CPXM2: variants seen among roughly 807,000 people sequenced by gnomAD.
The protein encoded by CPXM2 is carboxypeptidase X, M14 family member 2, also known as inactive carboxypeptidase-like protein X2.
In CPXM2, 66 loss-of-function variants were observed where a neutral mutation model predicts 86.1. The observed-to-expected ratio is 0.77, with a 90% CI of 0.63 to 0.94. CPXM2 has a LOEUF of 0.94. Ranked by LOEUF, CPXM2 falls within the 40% of genes least tolerant of loss-of-function variation. The pLI, the probability that CPXM2 is intolerant of heterozygous loss-of-function variation, is 0.00. For synonymous variants in CPXM2, 388 were observed against 400.2 expected (o/e 0.97, Z 0.36); for missense variants, 948 against 1,026.3 (o/e 0.92, Z 1.04).
intron 2 of CPXM2, among the ~76,000 whole-genome samples, chr10:123,916,705 G>C (rs532970664): frequency 1.3e-5 from 2 of 152,188 alleles, no homozygotes; most frequent in South Asian, 4.2e-4. Flanking sequence ...GTTTGATCTG[G>C]CTAAATGATC....
At chr10:123,942,522 T>G (rs1309359710), upstream of CPXM2, among the ~76,000 whole-genome samples, 2 of 152,078 alleles carry the variant, frequency 1.3e-5, no homozygotes, top group Non-Finnish European at 2.9e-5. Context: ...TAAAAGACAC[T>G]CCCACCAGCA....
At chr10:123,846,285 T>C (rs1296857989) in intron 3 of CPXM2, among the ~76,000 whole-genome samples, 1 of 152,214 alleles carries the variant, frequency 6.6e-6, no homozygotes, top group Non-Finnish European at 1.5e-5. Context: ...CAACTAGACA[T>C]TTTCATCTGG....
chr10:123,813,874 C>T (rs1351623087), intron 4 of CPXM2, among the ~76,000 whole-genome samples: 2 of 152,120 alleles, frequency 1.3e-5, no homozygotes, highest in East Asian at 3.9e-4. Context: ...TCCACTTAGA[C>T]CCTTGTACCT....
intron 3 of CPXM2, among the ~76,000 whole-genome samples, chr10:123,861,649 G>A (rs1848851477): frequency 6.6e-6 from 1 of 152,126 alleles, no homozygotes. Flanking sequence ...GCAGTCACAT[G>A]AAGACTCCAT....
chr10:123,849,486 G>A (rs1848559384), intron 3 of CPXM2, among the ~76,000 whole-genome samples: 1 of 145,250 alleles, frequency 6.9e-6, no homozygotes, highest in African/African-American at 2.6e-5. Flanking sequence ...TGTTGCCCAG[G>A]CTGGAGTGCA....
chr10:123,878,358 T>C (rs1945026298), intron 2 of CPXM2, among the ~76,000 whole-genome samples: 1 of 142,712 alleles, frequency 7.0e-6, no homozygotes, highest in African/African-American at 2.6e-5. Context: ...AAATCACGTA[T>C]AGGGCATTCA....
chr10:123,786,162 T>C (rs1847049353), intron 6 of CPXM2, among the ~76,000 whole-genome samples: 1 of 152,126 alleles, frequency 6.6e-6, no homozygotes, highest in South Asian at 2.1e-4. Flanking sequence ...GCAAAAAGCT[T>C]TTACTGACTT....
chr10:123,818,208 C>A (rs1431898301), intron 4 of CPXM2, among the ~76,000 whole-genome samples: 1 of 152,190 alleles, frequency 6.6e-6, no homozygotes, highest in Non-Finnish European at 1.5e-5. Context: ...CTGTGGACAT[C>A]ACTCAGCATC....
chr10:123,889,942 A>T (rs778687474), intron 1 of CPXM2, among the ~76,000 whole-genome samples: 10 of 152,306 alleles, frequency 6.6e-5, no homozygotes, highest in Non-Finnish European at 1.5e-4. Context: ...ACTAGAATGC[A>T]TGTGGATTTG....
At chr10:123,895,109 TTTC>T (rs1945324851), upstream of CPXM2, among the ~76,000 whole-genome samples, 2 of 116,240 alleles carry the variant, frequency 1.7e-5, no homozygotes, top group African/African-American at 5.7e-5. Context: ...TTCTTTTTTT[TTTC>T]TTTTTTTTCT....
chr10:123,878,463 T>C (rs891832390), intron 2 of CPXM2, among the ~76,000 whole-genome samples: 6 of 149,604 alleles, frequency 4.0e-5, no homozygotes, highest in African/African-American at 1.5e-4. Context: ...GGTGGGCCAG[T>C]AGGGAGGGGT....
At chr10:123,848,362 T>C (rs759904961) in intron 3 of CPXM2, among the ~76,000 whole-genome samples, 12 of 152,222 alleles carry the variant, frequency 7.9e-5, no homozygotes, top group Admixed American at 2.0e-4. Context: ...ATCGGTAAAG[T>C]AGGCTGTACA....
Position 123,891,247 on chromosome 10 carries a change from C to G in CPXM2, c.304+109G>C. On this transcript the variant is annotated intron_variant, in intron 1 of 13. Transcript: ENST00000241305. The surrounding 1 kb of genome is among the most constrained non-coding windows in gnomAD (Gnocchi z 5.6). ...AGGCAGAGGCGGCAACAGGGAGATT[C>G]CCGGGACTGGCCCATCCCAGACACA... The G allele has an allele frequency of 1.0e-6, 1 of 954,684 alleles. No individual in the cohort carries two copies. The highest frequency in any genetic ancestry group is 1.5e-6 in the Non-Finnish European group (1 of 665,968). The allele number at this position is 954,684 out of a possible 1,614,324, so 59.1% of individuals were successfully genotyped here.
chr10:123,851,829 G>C (rs988817340), intron 3 of CPXM2, among the ~76,000 whole-genome samples: 72 of 151,612 alleles, frequency 4.7e-4, no homozygotes, highest in Non-Finnish European at 2.1e-4. Context: ...AGTCAGCTTA[G>C]AGCAGGATGG....
intron 1 of CPXM2, among the ~76,000 whole-genome samples, chr10:123,888,978 C>T (rs1590104701): frequency 6.6e-6 from 1 of 152,144 alleles, no homozygotes; most frequent in Admixed American, 6.5e-5. Context: ...GGCTAGGCAC[C>T]GAATCAACAG....
chr10:123,806,878 G>T (rs138249695), intron 4 of CPXM2, among the ~76,000 whole-genome samples: 2 of 152,098 alleles, frequency 1.3e-5, no homozygotes, highest in Admixed American at 6.5e-5. Context: ...TCCCCTACAC[G>T]TAGGGATTAC....
chr10:123,895,199 C>G (rs970872691), upstream of CPXM2, among the ~76,000 whole-genome samples: 1 of 147,938 alleles, frequency 6.8e-6, no homozygotes, highest in Non-Finnish European at 1.5e-5. Context: ...TGTCGGCTCA[C>G]GGCAACCTCT....
intron 8 of CPXM2, among the ~76,000 whole-genome samples, chr10:123,770,319 A>T (rs1341544289): frequency 6.6e-6 from 1 of 152,122 alleles, no homozygotes; most frequent in African/African-American, 2.4e-5. Context: ...AACAAAAAAA[A>T]CCACTTCCGG....
intron 3 of CPXM2, among the ~76,000 whole-genome samples, chr10:123,844,484 T>C (rs1393688198): frequency 6.6e-6 from 1 of 152,118 alleles, no homozygotes; most frequent in Non-Finnish European, 1.5e-5. Flanking sequence ...CCTAACAGAC[T>C]CAATTTTGCT....
Sources: gnomAD v4.1 joint callset for allele counts (sites outside exome capture counted in the v4.1 genomes callset) on GRCh38, gnomAD v4.1.1 for gene constraint, Gnocchi (gnomAD v3.1) non-coding constraint, MANE v1.5 for transcripts, NCBI Gene and HGNC (gene_info 2026-07-23, HGNC 2026-07-21) for gene names.